FBXW5: variants seen among roughly 807,000 people sequenced by gnomAD.
FBXW5 encodes F-box/WD repeat-containing protein 5.
In FBXW5, 74 loss-of-function variants were observed where a neutral mutation model predicts 50.9. That is an observed-to-expected ratio of 1.45 (90% CI 1.20 to 1.76). FBXW5 has a LOEUF of 1.76. Among genes scored for constraint, FBXW5 ranks in the 40% most tolerant of loss-of-function variants. The probability of loss-of-function intolerance (pLI) is 0.00; values close to 1 mark genes in which losing one functional copy is unlikely to be tolerated. For missense variants in FBXW5, 1,073 were observed against 818.8 expected (o/e 1.31, Z -3.79); for synonymous variants, 523 against 362.2 (o/e 1.44, Z -5.04).
At chr9:136,944,327 A>C in intron 1 of FBXW5, 1 of 593,068 alleles carries the variant, frequency 1.7e-6, no homozygotes, top group Non-Finnish European at 2.4e-6. Context: ...TGCGGCCGGC[A>C]GCGGGCGCCC....
At position 136,940,835 on chromosome 9, in the gene FBXW5, A is replaced by AT; in HGVS notation, c.*92dup. ...GTCCCCTTCCTAAGGCGTAACTGCTATAAGCATCTCCACCTCTCCCGCTCG... is the reference window on the plus strand; with the variant it reads ...GTCCCCTTCCTAAGGCGTAACTGCTATTAAGCATCTCCACCTCTCCCGCTCG... On this transcript the variant is annotated 3_prime_UTR_variant, in exon 9 of 9. Transcript: ENST00000325285. 6.8e-7 allele frequency: 1 copy of AT among 1,476,284 alleles called. No homozygotes were observed. Among genetic ancestry groups the AT allele is most frequent in the Non-Finnish European group, 9.0e-7 (1 of 1,110,652 alleles). 91.4% of individuals were successfully genotyped at this position (1,476,284 alleles called of 1,614,324 possible).
intron 3 of FBXW5, 100 bp downstream of exon 3, chr9:136,943,249 C>A (rs76020995): frequency 8.8e-5 from 8 of 91,106 alleles, no homozygotes; most frequent in East Asian, 2.7e-3. Flanking sequence ...GCCTGACCCA[C>A]CCCCCCCCCC....
Position 136,943,334 on chromosome 9 carries a change from C to T in FBXW5, c.351+15G>A, listed in dbSNP as rs1473554893. The stretch of plus-strand genomic sequence containing the variant: ...AGAGCTGGGTGGGGTGTGCAGGACA[C>T]CTGGCCGTCCTCACCTTCACAGTGC... On this transcript the variant is annotated intron_variant, in intron 3 of 8. Coordinates refer to ENST00000325285, the MANE Select transcript of FBXW5 (RefSeq NM_018998.4). The T allele has an allele frequency of 1.1e-5, 17 of 1,609,150 alleles. No homozygotes were observed. The highest frequency in any genetic ancestry group is 1.4e-5 in the Non-Finnish European group (16 of 1,177,360).
chr9:136,941,593 G>C lies in FBXW5; in HGVS notation c.1188C>G (p.Asp396Glu), dbSNP rs760921049. Residue 396 changes from aspartate to glutamate, a missense_variant, in exon 7 of 9, where the codon GAC becomes GAG. Coordinates refer to ENST00000325285, the MANE Select transcript of FBXW5 (RefSeq NM_018998.4). ...RGSDAFFDAL[D>E]HVIDIHGHII... ...TGTGTCCGTGTATGTCTATGACGTG[G>C]TCCAGCGCGTCGAAGAAGGCATCGG... 6.2e-7 allele frequency: 1 copy of C among 1,604,996 alleles called. No homozygotes were observed. The highest frequency in any genetic ancestry group is 8.5e-7 in the Non-Finnish European group (1 of 1,176,484).
At position 136,942,283 on chromosome 9, in the gene FBXW5, C is replaced by A; in HGVS notation, c.859G>T (p.Glu287Ter). The A allele has an allele frequency of 6.3e-7, 1 of 1,586,348 alleles. No individual in the cohort carries two copies. Among genetic ancestry groups the A allele is most frequent in the East Asian group, 2.3e-5 (1 of 43,378 alleles). Reference protein sequence around the residue: ...CRIFDLGSDNEEVVAGPAPAH... With the variant: ...CRIFDLGSDN ...GGGGCCGGGCCAGCCACCACCTCCT[C>A]GTTGTCGCTGCCCAGGTCAAAGATG... The change falls in exon 6 of 9, where the codon GAG (glutamate) becomes TAG (stop). Residue 287 changes from glutamate (E) to a stop codon, truncating the protein, a stop_gained. Coordinates refer to ENST00000325285, the MANE Select transcript of FBXW5 (RefSeq NM_018998.4). LOFTEE classifies it high-confidence loss of function.
rs183917226 is a variant in FBXW5 at position 136,942,652 on chromosome 9, G to A, written c.570C>T (p.Asp190=). 3.9e-5 allele frequency: 63 copies of A among 1,609,966 alleles called. No individual in the cohort carries two copies. Among genetic ancestry groups the A allele is most frequent in the Admixed American group, 3.0e-4 (18 of 59,552 alleles). Residue 190 remains aspartate (D), a synonymous_variant, in exon 5 of 9, where the codon GAC becomes GAT. Transcript: ENST00000325285. ...LLSRVRNKPY[D]VFGCWLTETS... is the part of the protein sequence containing the mutation. ...TCTCGGTGAGCCAACAGCCAAACAC[G>A]TCATAGGGCTTGTTCCGCACGCGGG... is the stretch of plus-strand genomic sequence containing the variant.
At position 136,942,691 on chromosome 9, in the gene FBXW5, G is replaced by C. The variant is rs1417921427; in HGVS notation, c.531C>G (p.Ser177=). ...TCCGCACGCGGGACAGCAGCGCGAA[G>C]GAGTCTGTGGGGAGGCCGGGGCTGG... ...SGEIAVISLD[S]FALLSRVRNK... Residue 177 remains serine (S), a synonymous_variant, in exon 5 of 9, where the codon TCC becomes TCG. Transcript: ENST00000325285. The C allele has an allele frequency of 6.2e-7, 1 of 1,611,148 alleles. No individual in the cohort carries two copies. The highest frequency in any genetic ancestry group is 8.5e-7 in the Non-Finnish European group (1 of 1,179,210).
rs769088300 is a variant in FBXW5 at position 136,943,935 on chromosome 9, A to G, written c.149T>C (p.Phe50Ser). ...GCGGGCCACCTGGTAGTAGCGGTAG[A>G]ACTGCTCCCTCCACAGGAACTCGTC... The part of the protein sequence containing the change: ...SRDEFLWREQ[F>S]YRYYQVARDV... Residue 50 changes from phenylalanine to serine, a missense_variant, in exon 2 of 9, where the codon TTC (phenylalanine) becomes TCC (serine). Transcript: ENST00000325285. 36 of 1,552,794 alleles carry G rather than the reference A, an allele frequency of 2.3e-5. No individual in the cohort carries two copies. Among genetic ancestry groups the G allele is most frequent in the Non-Finnish European group, 3.0e-5 (35 of 1,148,724 alleles).
At position 136,941,121 on chromosome 9, in the gene FBXW5, C is replaced by A. The variant is rs1384068457; in HGVS notation, c.1508G>T (p.Cys503Phe). The change falls in exon 9 of 9, where the codon TGT becomes TTT. Residue 503 changes from cysteine (C) to phenylalanine (F), a missense_variant. Transcript: ENST00000325285. ...GYIWDRHYNI[C>F]LARLRHEDVV... Reference sequence around the variant, plus strand: ...ATCCTCGTGCCGCAGCCTGGCCAGACAGATGTTGTAGTGGCGGTCCCAGAT... The same window carrying A: ...ATCCTCGTGCCGCAGCCTGGCCAGAAAGATGTTGTAGTGGCGGTCCCAGAT... The A allele has an allele frequency of 1.2e-6, 2 of 1,600,100 alleles. No individual in the cohort carries two copies. The highest frequency in any genetic ancestry group is 1.7e-6 in the Non-Finnish European group (2 of 1,173,780).
At chr9:136,941,762 G>T (rs1564433658) in intron 6 of FBXW5, 78 bp from the exon 7 acceptor site, 5 of 1,435,446 alleles carry the variant, frequency 3.5e-6, no homozygotes, top group South Asian at 1.3e-5. Context: ...TACCTCAGTG[G>T]TGTCTCTGGG....
rs762845142 is a variant in FBXW5 at position 136,942,837 on chromosome 9, A to G, written c.458T>C (p.Leu153Pro). 4 of 1,613,498 alleles carry G rather than the reference A, an allele frequency of 2.5e-6. No individual in the cohort carries two copies. The East Asian group carries it at 6.7e-5, about 27-fold the overall frequency. ...FSQFNKDDSL[L>P]LASGVFLGPH... ...CCCCAGGAACACCCCCGAGGCCAGC[A>G]GTAGCGAGTCGTCCTTGTTGAACTG... is the stretch of plus-strand genomic sequence containing the variant. Residue 153 changes from leucine to proline, a missense_variant, in exon 4 of 9, where the codon CTG (leucine) becomes CCG (proline). Coordinates refer to ENST00000325285, the MANE Select transcript of FBXW5 (RefSeq NM_018998.4).
chr9:136,943,242 T>TGGGGGGGGG, intron 3 of FBXW5, 107 bp downstream of exon 3: 10 of 1,213,734 alleles, frequency 8.2e-6, no homozygotes, highest in African/African-American at 1.8e-5. Context: ...ACCTCTGGCC[T>TGGGGGGGGG]GACCCACCCC....
At chr9:136,944,333 C>CG (rs1232138356) in intron 1 of FBXW5, 8 of 591,528 alleles carry the variant, frequency 1.4e-5, no homozygotes, top group East Asian at 4.7e-5. Context: ...CGGCAGCGGG[C>CG]GCCCCTCAGC....
At chr9:136,941,786 CAG>C (rs1850781433) in intron 6 of FBXW5, 102 bp from the exon 7 acceptor site, 1 of 1,460,524 alleles carries the variant, frequency 6.8e-7, no homozygotes, top group East Asian at 2.5e-5. Flanking sequence ...GTGAGCACCA[CAG>C]AGGTCCGTGG....
rs76020995 is a variant in FBXW5, at chr9:136,943,249, C to T, written c.351+100G>A. ...CTGCTGTCACCTCTGGCCTGACCCA[C>T]CCCCCCCCCCACCACCACCTGGTTG... On this transcript the variant is annotated intron_variant, in intron 3 of 8. Transcript: ENST00000325285. The T allele has an allele frequency of 6.0e-3, 547 of 91,102 alleles. 39 individuals carry two copies. The highest frequency in any genetic ancestry group is 7.7e-3 in the Non-Finnish European group (533 of 69,414). The allele number at this position is 91,102 out of a possible 1,614,324, so 5.6% of individuals were successfully genotyped here. A position where few individuals can be genotyped will look rare whatever the true frequency, so the allele number is the denominator to read the frequency against.
At position 136,940,855 on chromosome 9, in the gene FBXW5, C is replaced by G; in HGVS notation, c.*73G>C. On this transcript the variant is annotated 3_prime_UTR_variant, in exon 9 of 9. Transcript: ENST00000325285. ...CTGCTATAAGCATCTCCACCTCTCC[C>G]GCTCGGGAAAAAGCCACAGAGCCTG... 3 of 1,512,834 alleles carry G rather than the reference C, an allele frequency of 2.0e-6. No homozygotes were observed. Among genetic ancestry groups the G allele is most frequent in the Non-Finnish European group, 2.7e-6 (3 of 1,131,940 alleles). The allele number at this position is 1,512,834 out of a possible 1,614,324, so 93.7% of individuals were successfully genotyped here. A position where few individuals can be genotyped will look rare whatever the true frequency, so the allele number is the denominator to read the frequency against.
Position 136,941,241 on chromosome 9 carries a change from C to T in FBXW5, c.1457+10G>A, listed in dbSNP as rs367798532. 2.6e-5 allele frequency: 41 copies of T among 1,602,496 alleles called. No individual in the cohort carries two copies. The highest frequency in any genetic ancestry group is 1.6e-4 in the Middle Eastern group (1 of 6,084). On this transcript the variant is annotated intron_variant, in intron 8 of 8. Coordinates refer to ENST00000325285, the MANE Select transcript of FBXW5 (RefSeq NM_018998.4). Reference sequence around the variant, plus strand: ...CCCACACCCGCCCTGCACCACGCCGCGCCCTGCACCTGGCCACGAAGTCCC... The same window carrying T: ...CCCACACCCGCCCTGCACCACGCCGTGCCCTGCACCTGGCCACGAAGTCCC...
At chr9:136,944,234 C>A in intron 1 of FBXW5, 128 bp from the exon 2 acceptor site, 1 of 1,098,856 alleles carries the variant, frequency 9.1e-7, no homozygotes, top group Non-Finnish European at 1.2e-6. Context: ...AGGGGACGCC[C>A]GGGTACCGCC....
At position 136,943,376 on chromosome 9, in the gene FBXW5, C is replaced by T. The variant is rs148467044; in HGVS notation, c.324G>A (p.Ala108=). 47 of 1,612,852 alleles carry T rather than the reference C, an allele frequency of 2.9e-5. No individual in the cohort carries two copies. The Middle Eastern group carries it at 6.6e-4, about 23-fold the overall frequency. ...LSFSHSGYQF[A]SCSKDCTVKI... is the part of the protein sequence containing the mutation. ...TCACAGTGCAGTCCTTGGAGCAGGACGCGAACTGGTACCCGGAATGGGAGA... is the reference window on the plus strand; with the variant it reads ...TCACAGTGCAGTCCTTGGAGCAGGATGCGAACTGGTACCCGGAATGGGAGA... Residue 108 remains alanine, a synonymous_variant, in exon 3 of 9, where the codon GCG becomes GCA. Coordinates refer to ENST00000325285, the MANE Select transcript of FBXW5 (RefSeq NM_018998.4).
Sources: allele counts gnomAD v4.1 joint callset, GRCh38; gene constraint gnomAD v4.1.1; transcripts MANE v1.5; gene names NCBI Gene and HGNC (gene_info 2026-07-23, HGNC 2026-07-21).